DAP: variants seen among roughly 807,000 people sequenced by gnomAD.
DAP encodes the protein death associated protein.
DAP carries 8 observed loss-of-function variants against 13.8 expected under a neutral mutation model. The ratio of observed to expected loss-of-function variants is 0.58; its 90% CI spans 0.34 to 1.05. The LOEUF (loss-of-function observed/expected upper bound fraction) is 1.05. Among genes scored for constraint, DAP ranks in the 50% least tolerant of loss-of-function variants. The pLI, the probability that DAP is intolerant of heterozygous loss-of-function variation, is 0.03. For missense variants in DAP, 106 were observed against 133.2 expected (o/e 0.80, Z 1.01); for synonymous variants, 47 against 47.5 (o/e 0.99, Z 0.04).
chr5:10,724,721 G>T (rs1166915829), intron 2 of DAP, among the ~76,000 whole-genome samples: 2 of 152,234 alleles, frequency 1.3e-5, no homozygotes, highest in African/African-American at 4.8e-5. Flanking sequence ...CCTAGGTGGG[G>T]TCAAACTAAA....
intron 2 of DAP, among the ~76,000 whole-genome samples, chr5:10,709,613 G>T (rs921820555): frequency 1.3e-5 from 2 of 152,210 alleles, no homozygotes; most frequent in African/African-American, 2.4e-5. Context: ...TGGTCTCCAG[G>T]CCAGGTCACA....
rs372505560 is a variant in DAP, at chr5:10,694,780, G to A, written c.153-11209C>T. On this transcript the variant is annotated intron_variant, in intron 2 of 3. Coordinates refer to ENST00000230895, the MANE Select transcript of DAP (RefSeq NM_004394.3). ...GGGCTCTTCTCATGCACTGATGAAG[G>A]GGGTGACATAGGTTGTGGCCCAGCA... is the stretch of plus-strand genomic sequence containing the variant. 8.5e-5 allele frequency among the ~76,000 whole-genome samples: 13 copies of A among 152,252 alleles called. No individual in the cohort carries two copies. The East Asian group carries it at 2.5e-3, about 30-fold the overall frequency.
intron 1 of DAP, among the ~76,000 whole-genome samples, chr5:10,752,609 AG>A (rs1740073388): frequency 6.6e-6 from 1 of 152,248 alleles, no homozygotes; most frequent in Admixed American, 6.5e-5. Context: ...TGCTGGAGCC[AG>A]AACCTTGGGA....
intron 2 of DAP, among the ~76,000 whole-genome samples, chr5:10,732,146 G>C (rs1739480520): frequency 6.6e-6 from 1 of 152,214 alleles, no homozygotes; most frequent in Non-Finnish European, 1.5e-5. Context: ...CCTAGCCATG[G>C]TTCCCAATTT....
At chr5:10,743,158 C>A (rs1324653312) in intron 2 of DAP, among the ~76,000 whole-genome samples, 1 of 152,236 alleles carries the variant, frequency 6.6e-6, no homozygotes, top group Non-Finnish European at 1.5e-5. Flanking sequence ...TGTTTACTAA[C>A]TGAAGTACAC....
intron 1 of DAP, among the ~76,000 whole-genome samples, chr5:10,760,043 C>CCGCGCCTGGCCAG (rs1740300717): frequency 6.6e-6 from 1 of 152,150 alleles, no homozygotes; most frequent in Non-Finnish European, 1.5e-5. Context: ...GCATGAGCCA[C>CCGCGCCTGGCCAG]CGCGCCTGGC....
chr5:10,682,625 G>A (rs1314824297), intron 3 of DAP, among the ~76,000 whole-genome samples: 3 of 152,262 alleles, frequency 2.0e-5, no homozygotes, highest in Non-Finnish European at 4.4e-5. Context: ...GGCGTGGACT[G>A]TGAATGGATA....
chr5:10,756,888 T>A (rs971543155), intron 1 of DAP, among the ~76,000 whole-genome samples: 12 of 147,826 alleles, frequency 8.1e-5, no homozygotes, highest in Admixed American at 5.5e-4. Context: ...TCTGCTAATC[T>A]GCATTTGCAA....
At chr5:10,718,136 G>A (rs1053631131) in intron 2 of DAP, among the ~76,000 whole-genome samples, 1 of 152,204 alleles carries the variant, frequency 6.6e-6, no homozygotes, top group African/African-American at 2.4e-5. Flanking sequence ...ATTGGGGAAA[G>A]GGAAATGATC....
intron 3 of DAP, 62 bp downstream of exon 3, chr5:10,683,467 C>A: frequency 1.3e-6 from 2 of 1,500,160 alleles, no homozygotes; most frequent in Non-Finnish European, 1.9e-6. Context: ...CCAGAAGCAA[C>A]CAGGAGACTC....
At chr5:10,739,046 C>G (rs967846549) in intron 2 of DAP, among the ~76,000 whole-genome samples, 2 of 151,476 alleles carry the variant, frequency 1.3e-5, no homozygotes, top group Non-Finnish European at 2.9e-5. Context: ...ACTAAAAATA[C>G]AAAAAATTAG....
chr5:10,760,977 G>A (rs745755705), intron 1 of DAP, 37 bp downstream of exon 1: 1 of 1,199,274 alleles, frequency 8.3e-7, no homozygotes, highest in South Asian at 3.6e-5. Context: ...CCCGCCCCCG[G>A]CACCCGCGCG....
chr5:10,702,033 C>T (rs2126645832), intron 2 of DAP, among the ~76,000 whole-genome samples: 1 of 152,312 alleles, frequency 6.6e-6, no homozygotes, highest in South Asian at 2.1e-4. Context: ...AAGGGCAGGA[C>T]TTATACTTTC....
chr5:10,690,670 C>G (rs539880640), intron 2 of DAP, among the ~76,000 whole-genome samples: 3 of 152,086 alleles, frequency 2.0e-5, no homozygotes, highest in African/African-American at 7.2e-5. Flanking sequence ...ACTGTACAGA[C>G]AGACCACATT....
chr5:10,761,072 G>GCGGCGGGGCTT lies in DAP; in HGVS notation c.-15_-5dup. Reference sequence around the variant, plus strand: ...TCCCTTCGGGAGGCGAAGACATGACGCGGCGGGGCTTCCGCGGGGCCGAGG... The same window carrying GCGGCGGGGCTT: ...TCCCTTCGGGAGGCGAAGACATGACGCGGCGGGGCTTCGGCGGGGCTTCCGCGGGGCCGAGG... On this transcript the variant is annotated 5_prime_UTR_variant, in exon 1 of 4. Transcript: ENST00000230895. The GCGGCGGGGCTT allele has an allele frequency of 8.2e-7, 1 of 1,214,810 alleles. No individual in the cohort carries two copies. The highest frequency in any genetic ancestry group is 1.0e-6 in the Non-Finnish European group (1 of 965,350). The allele number at this position is 1,214,810 out of a possible 1,614,324, so 75.3% of individuals were successfully genotyped here. A position where few individuals can be genotyped will look rare whatever the true frequency, so the allele number is the denominator to read the frequency against.
At chr5:10,743,533 T>TAAA (rs1739815474) in intron 2 of DAP, among the ~76,000 whole-genome samples, 1 of 152,232 alleles carries the variant, frequency 6.6e-6, no homozygotes, top group Admixed American at 6.5e-5. Context: ...TTTTCTGGTT[T>TAAA]ACCCCTCCTG....
At chr5:10,724,609 C>G (rs1049145027) in intron 2 of DAP, among the ~76,000 whole-genome samples, 2 of 152,150 alleles carry the variant, frequency 1.3e-5, no homozygotes, top group Non-Finnish European at 1.5e-5. Context: ...GAGGCTGGCT[C>G]TTGTGGACTA....
chr5:10,713,736 TGCTCTGGCGGGGAAGC>T (rs1716847684), intron 2 of DAP, among the ~76,000 whole-genome samples: 1 of 152,166 alleles, frequency 6.6e-6, no homozygotes, highest in African/African-American at 2.4e-5. Context: ...ACGCCTGGTG[TGCTCTGGCGGGGAAGC>T]GGGGCTGGGC....
chr5:10,703,425 C>T (rs2964782), intron 2 of DAP, among the ~76,000 whole-genome samples: 35,208 of 151,942 alleles, frequency 0.23, 4,279 homozygotes, highest in Middle Eastern at 0.36. Context: ...GTCACCGACT[C>T]GCATGTGGGC....
Sources: gnomAD v4.1 joint callset for allele counts (sites outside exome capture counted in the v4.1 genomes callset) on GRCh38, gnomAD v4.1.1 for gene constraint, MANE v1.5 for transcripts, NCBI Gene and HGNC (gene_info 2026-07-23, HGNC 2026-07-21) for gene names.